Variants in DLG2 observed in about 807,000 individuals in gnomAD.
The protein encoded by DLG2 is disks large homolog 2.
In DLG2, 45 loss-of-function variants were observed where a neutral mutation model predicts 132.5. That is an observed-to-expected ratio of 0.34 (90% confidence interval 0.27 to 0.44). The LOEUF is 0.44. Among genes scored for constraint, DLG2 ranks in the 20% least tolerant of loss-of-function variants. The probability of loss-of-function intolerance (pLI) is 1.00; values close to 1 mark genes in which losing one functional copy is unlikely to be tolerated. For missense variants in DLG2, 1,045 were observed against 1,196.9 expected, an observed-to-expected ratio of 0.87 and a Z score of 1.87; for synonymous variants, 424 against 419.6, an observed-to-expected ratio of 1.01 and a Z score of -0.13.
At chr11:85,455,293 C>A (rs554261904) in intron 3 of DLG2, among the ~76,000 whole-genome samples, 2 of 152,072 alleles carry the variant, frequency 1.3e-5, no homozygotes, top group African/African-American at 4.8e-5. Context: ...CAATTGTAAA[C>A]GGGATTGTGT....
At chr11:84,409,142 T>C (rs985299499) in intron 7 of DLG2, among the ~76,000 whole-genome samples, 4 of 152,136 alleles carry the variant, frequency 2.6e-5, no homozygotes, top group Non-Finnish European at 5.9e-5. Flanking sequence ...AAGAAAGCGC[T>C]CCTCTTTTAT....
chr11:85,347,207 C>T (rs1340003070), intron 3 of DLG2, among the ~76,000 whole-genome samples: 5 of 151,858 alleles, frequency 3.3e-5, no homozygotes, highest in Non-Finnish European at 4.4e-5. Context: ...TTTTGAAAAC[C>T]GAAAGGCCTC....
intron 8 of DLG2, among the ~76,000 whole-genome samples, chr11:84,203,336 A>G (rs929550777): frequency 6.6e-6 from 1 of 152,116 alleles, no homozygotes; most frequent in African/African-American, 2.4e-5. Context: ...TAATCTCAGC[A>G]CTTTGGGAGG....
intron 14 of DLG2, among the ~76,000 whole-genome samples, chr11:83,952,259 T>A (rs1388002532): frequency 6.6e-6 from 1 of 151,962 alleles, no homozygotes; most frequent in Non-Finnish European, 1.5e-5. Context: ...GGTGGAAGAA[T>A]TGCTTGAGCC....
At chr11:85,456,875 A>G (rs1302181585) in intron 3 of DLG2, among the ~76,000 whole-genome samples, 1 of 151,918 alleles carries the variant, frequency 6.6e-6, no homozygotes, top group Non-Finnish European at 1.5e-5. Context: ...AAGGATTACA[A>G]CTTTAGAGTT....
intron 6 of DLG2, among the ~76,000 whole-genome samples, chr11:84,987,197 C>T (rs1335395844): frequency 6.6e-6 from 1 of 152,020 alleles, no homozygotes; most frequent in African/African-American, 2.4e-5. Context: ...AGGAATATAC[C>T]TAACCAAGGA....
chr11:84,502,511 T>C lies in DLG2; in HGVS notation c.519+32059A>G, dbSNP rs917653234. 8.0e-5 allele frequency among the ~76,000 whole-genome samples: 12 copies of C among 150,636 alleles called. No homozygotes were observed. In the East Asian group the frequency reaches 2.3e-3, roughly 29 times the overall value. ...CCCAGGTACAAGCGATTCTCGTTAT[T>C]CAGCTTCCCAAGTAGCTGGGACTAC... is the stretch of plus-strand genomic sequence containing the variant. On this transcript the variant is annotated intron_variant, in intron 7 of 27. Coordinates refer to ENST00000376104, the MANE Select transcript of DLG2 (RefSeq NM_001142699.3).
intron 7 of DLG2, among the ~76,000 whole-genome samples, chr11:84,306,746 G>A (rs2098223548): frequency 6.6e-6 from 1 of 152,148 alleles, no homozygotes; most frequent in Non-Finnish European, 1.5e-5. Context: ...CTAAATCCCA[G>A]TATCACTTCC....
chr11:84,139,231 C>T (rs997750953), intron 9 of DLG2, among the ~76,000 whole-genome samples: 7 of 152,018 alleles, frequency 4.6e-5, no homozygotes, highest in Non-Finnish European at 1.0e-4. Context: ...CTTACACACC[C>T]GCCACAGAGG....
intron 2 of DLG2, among the ~76,000 whole-genome samples, chr11:85,615,045 T>C (rs1400894145): frequency 6.6e-6 from 1 of 152,242 alleles, no homozygotes; most frequent in Non-Finnish European, 1.5e-5. Flanking sequence ...ATACTTCAAC[T>C]AACACCTGTT....
chr11:85,602,026 G>A (rs188704150), intron 2 of DLG2, among the ~76,000 whole-genome samples: 13 of 152,108 alleles, frequency 8.5e-5, no homozygotes, highest in Admixed American at 2.0e-4. Flanking sequence ...CCAGCTGAAT[G>A]CTCAACATTT....
At chr11:84,535,244 A>AT (rs2154521010) in intron 6 of DLG2, among the ~76,000 whole-genome samples, 1 of 152,346 alleles carries the variant, frequency 6.6e-6, no homozygotes, top group South Asian at 2.1e-4. Context: ...CATTATTTGT[A>AT]TTAGACTCAA....
intron 6 of DLG2, among the ~76,000 whole-genome samples, chr11:84,562,501 C>G (rs1289522481): frequency 6.6e-6 from 1 of 152,022 alleles, no homozygotes; most frequent in South Asian, 2.1e-4. Context: ...TAATAGTTAG[C>G]TTGAAAATTA....
intron 6 of DLG2, among the ~76,000 whole-genome samples, chr11:85,013,770 A>C (rs189377600): frequency 6.6e-6 from 1 of 152,308 alleles, no homozygotes; most frequent in Admixed American, 6.5e-5. Flanking sequence ...AAATTCTTTT[A>C]GAAATCTAGT....
chr11:84,261,890 C>T (rs1349838884), intron 7 of DLG2, among the ~76,000 whole-genome samples: 1 of 152,152 alleles, frequency 6.6e-6, no homozygotes, highest in East Asian at 1.9e-4. Flanking sequence ...TAACTGCATG[C>T]TGCCCTCTGG....
chr11:85,461,164 G>A (rs2092597651), intron 3 of DLG2, among the ~76,000 whole-genome samples: 1 of 152,128 alleles, frequency 6.6e-6, no homozygotes, highest in Non-Finnish European at 1.5e-5. Flanking sequence ...AGATAAACAG[G>A]CTGTAGAGTA....
intron 3 of DLG2, among the ~76,000 whole-genome samples, chr11:85,541,317 C>G (rs2075954532): frequency 6.6e-6 from 1 of 151,844 alleles, no homozygotes; most frequent in Non-Finnish European, 1.5e-5. Flanking sequence ...TATTTATATA[C>G]TAGGTCATTT....
At chr11:84,910,688 G>A (rs1264378059) in intron 6 of DLG2, among the ~76,000 whole-genome samples, 2 of 152,128 alleles carry the variant, frequency 1.3e-5, no homozygotes, top group Admixed American at 6.5e-5. Context: ...AGAGGCAGGA[G>A]GATAGTTTGA....
chr11:84,224,978 T>G (rs1040131), intron 8 of DLG2, among the ~76,000 whole-genome samples: 101,688 of 152,028 alleles, frequency 0.67, 35,353 homozygotes, highest in Middle Eastern at 0.81. Flanking sequence ...GATTTGCCTT[T>G]CCTGAACTCC....
Sources: gnomAD v4.1 joint callset for allele counts (sites outside exome capture counted in the v4.1 genomes callset) on GRCh38, gnomAD v4.1.1 for gene constraint, MANE v1.5 for transcripts, NCBI Gene and HGNC (gene_info 2026-07-23, HGNC 2026-07-21) for gene names.